The following WDFY4 variants were observed in gnomAD, a reference collection of about 807,000 sequenced individuals.
WDFY4 encodes the protein WD repeat- and FYVE domain-containing protein 4.
In WDFY4, 169 loss-of-function variants were observed where a neutral mutation model predicts 351.9. That is an observed-to-expected ratio of 0.48 (90% confidence interval 0.42 to 0.55). The LOEUF is 0.55. WDFY4 is among the 20% of genes least tolerant of loss of function. WDFY4 has a pLI of 0.00. For synonymous variants in WDFY4, 1,622 were observed against 1,574.6 expected (o/e 1.03, Z -0.71); for missense variants, 3,803 against 3,935.6 (o/e 0.97, Z 0.90).
In WDFY4 at chr10:48,935,163, C is replaced by T. The variant is rs549659288; in HGVS notation, c.7587-6643C>T. On this transcript the variant is annotated intron_variant, in intron 47 of 61. Transcript: ENST00000325239. The stretch of plus-strand genomic sequence containing the variant: ...AATCGATAAGCGCAGGGCCGCCGCC[C>T]GAGCAAAACTTACCCTGCTAGTCCC... 1.4e-4 allele frequency: 21 copies of T among 152,350 alleles called. No individual in the cohort carries two copies. The East Asian group carries it at 3.7e-3, about 27-fold the overall frequency. 9.4% of individuals were successfully genotyped at this position (152,350 alleles called of 1,614,324 possible).
At chr10:48,876,928 C>T in intron 42 of WDFY4, 105 bp from the exon 43 acceptor site, 1 of 1,211,096 alleles carries the variant, frequency 8.3e-7, no homozygotes. Context: ...CACTTCGGCC[C>T]TGGAGCCTTG....
At chr10:48,851,585 G>C (rs2068959905) in intron 39 of WDFY4, among the ~76,000 whole-genome samples, 1 of 152,238 alleles carries the variant, frequency 6.6e-6, no homozygotes, top group African/African-American at 2.4e-5. Context: ...TCAAGTTGCT[G>C]AGCAGGATCT....
chr10:48,811,627 C>T lies in WDFY4; in HGVS notation c.5133C>T (p.His1711=), dbSNP rs757821883. Residue 1711 remains histidine (H), a synonymous_variant, in exon 30 of 62, where the codon CAC becomes CAT. Transcript: ENST00000325239. ...TCTTGAATGACTTTCTGGCCCACCACGTCCACATTCCAGAGGTCTACCTCA... is the reference window on the plus strand; with the variant it reads ...TCTTGAATGACTTTCTGGCCCACCATGTCCACATTCCAGAGGTCTACCTCA... ...FRVLNDFLAH[H]VHIPEVYLIV... The T allele has an allele frequency of 7.0e-5, 109 of 1,551,960 alleles. No homozygotes were observed. The highest frequency in any genetic ancestry group is 9.1e-5 in the Non-Finnish European group (104 of 1,147,056).
chr10:48,959,515 G>A (rs2133831019), intron 52 of WDFY4, among the ~76,000 whole-genome samples: 2 of 152,300 alleles, frequency 1.3e-5, no homozygotes, highest in Middle Eastern at 6.8e-3. Context: ...AAGCAAGGAG[G>A]GCCTCCTGGA....
intron 49 of WDFY4, among the ~76,000 whole-genome samples, chr10:48,943,678 C>T (rs1312744733): frequency 2.6e-5 from 4 of 152,122 alleles, no homozygotes; most frequent in Non-Finnish European, 5.9e-5. Flanking sequence ...CCGCAACTTC[C>T]GCCTCCTGGG....
At chr10:48,911,497 A>G (rs563137486) in intron 47 of WDFY4, among the ~76,000 whole-genome samples, 26 of 152,360 alleles carry the variant, frequency 1.7e-4, no homozygotes, top group Non-Finnish European at 2.5e-4. Context: ...GACTATTCCC[A>G]TTAGTGAAAA....
At chr10:48,787,589 G>A (rs2066445383) in intron 20 of WDFY4, among the ~76,000 whole-genome samples, 1 of 152,210 alleles carries the variant, frequency 6.6e-6, no homozygotes, top group Admixed American at 6.5e-5. Context: ...TGGCTGTGCA[G>A]CTCATTGAAA....
At chr10:48,826,459 T>C (rs1415740745) in intron 35 of WDFY4, among the ~76,000 whole-genome samples, 1 of 152,238 alleles carries the variant, frequency 6.6e-6, no homozygotes, top group Non-Finnish European at 1.5e-5. Flanking sequence ...GAGCTCTTTT[T>C]TGGCTCCATA....
chr10:48,867,456 C>A (rs986205213), intron 40 of WDFY4, 114 bp downstream of exon 40: 8 of 567,118 alleles, frequency 1.4e-5, no homozygotes, highest in Non-Finnish European at 2.1e-5. Context: ...CAGGCTTGCA[C>A]CATGTTGGGG....
chr10:48,716,944 C>G (rs1475458785), intron 2 of WDFY4, among the ~76,000 whole-genome samples: 1 of 152,208 alleles, frequency 6.6e-6, no homozygotes, highest in African/African-American at 2.4e-5. Flanking sequence ...GTCTGAGTGG[C>G]AGTTGGCTTG....
At chr10:48,756,742 A>G (rs995533543) in intron 12 of WDFY4, among the ~76,000 whole-genome samples, 2 of 152,098 alleles carry the variant, frequency 1.3e-5, no homozygotes, top group Non-Finnish European at 2.9e-5. Context: ...AATATGGATC[A>G]TGTTGACTGA....
chr10:48,959,669 T>C (rs1841769699), intron 52 of WDFY4, 53 bp from the exon 53 acceptor site: 14 of 1,504,624 alleles, frequency 9.3e-6, no homozygotes, highest in Non-Finnish European at 1.3e-5. Context: ...CATCCCCCAG[T>C]TCCTAGCCTG....
intron 47 of WDFY4, among the ~76,000 whole-genome samples, chr10:48,930,485 A>C (rs961402925): frequency 2.6e-5 from 4 of 152,168 alleles, no homozygotes; most frequent in Admixed American, 6.5e-5. Context: ...ACTTGAGGCC[A>C]CCTTAACTGG....
chr10:48,781,985 CA>C (rs2066241771), intron 19 of WDFY4, among the ~76,000 whole-genome samples: 1 of 152,186 alleles, frequency 6.6e-6, no homozygotes, highest in Non-Finnish European at 1.5e-5. Flanking sequence ...TGGCTTGTTA[CA>C]GAAACTAGAT....
chr10:48,910,372 C>A, intron 47 of WDFY4: 2 of 900,468 alleles, frequency 2.2e-6, no homozygotes, highest in South Asian at 2.6e-5. Context: ...TCAGGATGGT[C>A]AGGTTAGTGT....
chr10:48,764,122 C>G (rs1040265956), intron 13 of WDFY4, among the ~76,000 whole-genome samples: 2 of 152,238 alleles, frequency 1.3e-5, no homozygotes, highest in Non-Finnish European at 2.9e-5. Flanking sequence ...TTCACTTGCT[C>G]TCTCTCCTCT....
Position 48,735,873 on chromosome 10 carries a change from T to A in WDFY4, c.1688-7T>A. ...CCCTAGCCCCATTCTGTCTGTCTGA[T>A]CCTTAGTTGTCCTGAAGGACCACGG... On this transcript the variant is annotated splice_region_variant and splice_polypyrimidine_tract_variant and intron_variant, in intron 10 of 61. Transcript: ENST00000325239. 6.4e-7 allele frequency: 1 copy of A among 1,551,068 alleles called. No homozygotes were observed. Among genetic ancestry groups the A allele is most frequent in the Non-Finnish European group, 8.7e-7 (1 of 1,146,588 alleles).
intron 13 of WDFY4, among the ~76,000 whole-genome samples, chr10:48,772,178 G>A (rs1056728548): frequency 7.9e-5 from 12 of 152,184 alleles, no homozygotes; most frequent in African/African-American, 2.9e-4. Context: ...GGGAAGGAGA[G>A]TGAGGGAAGC....
At chr10:48,759,777 G>A (rs1018172162) in intron 12 of WDFY4, among the ~76,000 whole-genome samples, 1 of 152,208 alleles carries the variant, frequency 6.6e-6, no homozygotes, top group Non-Finnish European at 1.5e-5. Context: ...CACACCAGGG[G>A]ATGCTGCAGA....
Sources: gnomAD v4.1 joint callset for allele counts (sites outside exome capture counted in the v4.1 genomes callset) on GRCh38, gnomAD v4.1.1 for gene constraint, MANE v1.5 for transcripts, NCBI Gene and HGNC (gene_info 2026-07-23, HGNC 2026-07-21) for gene names.